The following APPBP2 variants were observed in gnomAD, a reference collection of about 807,000 sequenced individuals.
APPBP2 encodes amyloid beta precursor protein binding protein 2.
Under a neutral mutation model 76.0 loss-of-function variants are expected in APPBP2, and 15 were observed. That is an observed-to-expected ratio of 0.20 (90% CI 0.13 to 0.30). The LOEUF (loss-of-function observed/expected upper bound fraction) is 0.30, where lower values mean the gene tolerates loss of function less well. Among genes scored for constraint, APPBP2 ranks in the 10% least tolerant of loss-of-function variants. The pLI, the probability that APPBP2 is intolerant of heterozygous loss-of-function variation, is 1.00. For synonymous variants in APPBP2, 222 were observed against 242.2 expected, an observed-to-expected ratio of 0.92 and a Z score of 0.77; for missense variants, 401 against 687.2, an observed-to-expected ratio of 0.58 and a Z score of 4.66.
intron 3 of APPBP2, among the ~76,000 whole-genome samples, chr17:60,489,843 C>A (rs1213781513): frequency 6.7e-6 from 1 of 149,254 alleles, no homozygotes; most frequent in Non-Finnish European, 1.5e-5. Context: ...TGAGACCAGT[C>A]TGGCCAACAT....
chr17:60,454,481 C>A lies in APPBP2; in HGVS notation c.1159G>T (p.Glu387Ter). ...TTATGACAATCAATTGCAATCTCCT[C>A]TAAAATAAGTGCTAAAAAAGAAGGC... The part of the protein sequence containing the change: ...SSKRVKALIL[E>*]EIAIDCHNKE... Residue 387 changes from glutamate (E) to a stop codon, truncating the protein, a stop_gained, in exon 11 of 13, where the codon GAG (glutamate) becomes TAG (stop). Transcript: ENST00000083182. LOFTEE classifies it high-confidence loss of function. 6.3e-7 allele frequency: 1 copy of A among 1,592,690 alleles called. No individual in the cohort carries two copies.
At chr17:60,459,197 G>C (rs1050603874) in intron 9 of APPBP2, among the ~76,000 whole-genome samples, 17 of 151,990 alleles carry the variant, frequency 1.1e-4, no homozygotes, top group Non-Finnish European at 2.4e-4. Flanking sequence ...GTAAAGCTTC[G>C]TCTATGAAAT....
At position 60,495,439 on chromosome 17, in the gene APPBP2, ATTATTTATTTATTTATTTAT is replaced by A. The variant is rs57497934; in HGVS notation, c.228-842_228-823del. Among the ~76,000 whole-genome samples, 26 of 136,612 alleles carry A rather than the reference ATTATTTATTTATTTATTTAT, an allele frequency of 1.9e-4. 1 individual carries two copies. The highest frequency in any genetic ancestry group is 3.7e-3 in the Middle Eastern group (1 of 268). The allele number at this position is 136,612 out of a possible 152,430, so 89.6% of individuals were successfully genotyped here. On this transcript the variant is annotated intron_variant, in intron 2 of 12. Coordinates refer to ENST00000083182, the MANE Select transcript of APPBP2 (RefSeq NM_006380.5). ...ATTTTTAAAAATATTTTATTTATTT[ATTATTTATTTATTTATTTAT>A]TTATTTATTTATTTATTTATTTATG...
intron 3 of APPBP2, among the ~76,000 whole-genome samples, chr17:60,483,434 C>A (rs1266676566): frequency 2.6e-5 from 4 of 152,074 alleles, no homozygotes; most frequent in African/African-American, 4.8e-5. Flanking sequence ...TGCTCTGTCG[C>A]CCAGGCTGGA....
chr17:60,521,970 C>T (rs2091013238), intron 1 of APPBP2, among the ~76,000 whole-genome samples: 1 of 152,108 alleles, frequency 6.6e-6, no homozygotes, highest in Non-Finnish European at 1.5e-5. Context: ...GAGTTTGTAG[C>T]CTAAGAACAA....
At chr17:60,507,958 G>A (rs2090881865) in intron 1 of APPBP2, among the ~76,000 whole-genome samples, 1 of 150,390 alleles carries the variant, frequency 6.6e-6, no homozygotes, top group East Asian at 2.0e-4. Flanking sequence ...CAGCCAAGTT[G>A]TTTCTTTTTT....
intron 4 of APPBP2, among the ~76,000 whole-genome samples, chr17:60,470,567 G>A (rs1395842751): frequency 6.6e-6 from 1 of 151,216 alleles, no homozygotes; most frequent in Non-Finnish European, 1.5e-5. Context: ...TGCCCAGCCT[G>A]CTCTTTATTA....
intron 1 of APPBP2, among the ~76,000 whole-genome samples, chr17:60,517,750 G>C (rs1270930572): frequency 6.6e-6 from 1 of 152,140 alleles, no homozygotes; most frequent in African/African-American, 2.4e-5. Context: ...CAATCCATGT[G>C]CCAATACCAT....
At chr17:60,517,760 T>C (rs1220012313) in intron 1 of APPBP2, among the ~76,000 whole-genome samples, 1 of 152,218 alleles carries the variant, frequency 6.6e-6, no homozygotes, top group Non-Finnish European at 1.5e-5. Context: ...GCCAATACCA[T>C]ATTACCTTAA....
chr17:60,476,100 T>G (rs749533670), intron 4 of APPBP2, among the ~76,000 whole-genome samples: 1 of 152,108 alleles, frequency 6.6e-6, no homozygotes, highest in African/African-American at 2.4e-5. Context: ...TGGCCAGACA[T>G]GTATAAGCAA....
chr17:60,461,754 T>C (rs920609018), intron 8 of APPBP2, 56 bp downstream of exon 8: 11 of 1,317,970 alleles, frequency 8.3e-6, no homozygotes, highest in Admixed American at 2.0e-5. Context: ...CACAAACAAA[T>C]ACAGGTCAGC....
chr17:60,469,274 C>T (rs753146873), intron 4 of APPBP2, among the ~76,000 whole-genome samples: 8 of 141,072 alleles, frequency 5.7e-5, no homozygotes, highest in Non-Finnish European at 7.5e-5. Context: ...TGCAGTGAGT[C>T]GAGATCACAC....
intron 4 of APPBP2, among the ~76,000 whole-genome samples, chr17:60,474,696 A>C (rs2090576934): frequency 6.6e-6 from 1 of 152,216 alleles, no homozygotes; most frequent in Non-Finnish European, 1.5e-5. Context: ...TTGACGTGGT[A>C]AATTTTTGTT....
intron 6 of APPBP2, among the ~76,000 whole-genome samples, chr17:60,463,350 C>T (rs1170281102): frequency 1.3e-5 from 2 of 152,098 alleles, no homozygotes; most frequent in African/African-American, 2.4e-5. Flanking sequence ...GCAGGCCAAC[C>T]GTGGTGGACC....
intron 11 of APPBP2, among the ~76,000 whole-genome samples, chr17:60,453,688 A>G (rs561063812): frequency 6.7e-6 from 1 of 149,210 alleles, no homozygotes; most frequent in African/African-American, 2.5e-5. Context: ...TACAGGTGTG[A>G]GCCACCATGT....
intron 1 of APPBP2, among the ~76,000 whole-genome samples, chr17:60,502,074 T>G (rs1409054042): frequency 6.6e-6 from 1 of 152,200 alleles, no homozygotes; most frequent in East Asian, 1.9e-4. Context: ...TATTTATTTT[T>G]TAATGGTCTT....
At position 60,479,238 on chromosome 17, in the gene APPBP2, T is replaced by C; in HGVS notation, c.413A>G (p.Asp138Gly). 6.2e-7 allele frequency: 1 copy of C among 1,613,508 alleles called. No homozygotes were observed. Among genetic ancestry groups the C allele is most frequent in the Non-Finnish European group, 8.5e-7 (1 of 1,179,766 alleles). The change falls in exon 4 of 13, where the codon GAT becomes GGT. Residue 138 changes from aspartate (D) to glycine (G), a missense_variant. Around this residue, in one of 5 missense-constraint regions of APPBP2, gnomAD observed 149 missense variants for 198.4 expected, o/e 0.75. Coordinates refer to ENST00000083182, the MANE Select transcript of APPBP2 (RefSeq NM_006380.5). ...GCAGGACAGAAAAACTTTCTCAGCA[T>C]CACTGTACCAGCCTGCATCTGAAAG... is the stretch of plus-strand genomic sequence containing the variant. Reference protein sequence around the residue: ...GFLSDAGWYSDAEKVFLSCLQ... With the variant: ...GFLSDAGWYSGAEKVFLSCLQ...
chr17:60,462,855 C>A (rs1489192519), intron 6 of APPBP2, among the ~76,000 whole-genome samples: 1 of 149,284 alleles, frequency 6.7e-6, no homozygotes, highest in Non-Finnish European at 1.5e-5. Context: ...GAGGCTGAGG[C>A]AGGAGAATGA....
intron 4 of APPBP2, among the ~76,000 whole-genome samples, chr17:60,469,612 C>T (rs2090537607): frequency 6.6e-6 from 1 of 152,140 alleles, no homozygotes; most frequent in Non-Finnish European, 1.5e-5. Flanking sequence ...GCCTATTCTA[C>T]ATATTTCATG....
Sources: allele counts gnomAD v4.1 joint callset (sites outside exome capture counted in the v4.1 genomes callset), GRCh38; gene constraint gnomAD v4.1.1; regional missense constraint gnomAD v4.1.1; transcripts MANE v1.5; gene names NCBI Gene and HGNC (gene_info 2026-07-23, HGNC 2026-07-21).